Variants in CSMD1 observed in about 807,000 individuals in gnomAD.
CSMD1 encodes the protein CUB and sushi domain-containing protein 1.
CSMD1 carries 213 observed loss-of-function variants against 417.5 expected under a neutral mutation model. The observed-to-expected ratio is 0.51, with a 90% CI of 0.46 to 0.57. The LOEUF is 0.57. Ranked by LOEUF, CSMD1 falls within the 20% of genes least tolerant of loss-of-function variation. The pLI is 0.00. For synonymous variants in CSMD1, 2,862 were observed against 1,736.8 expected, an observed-to-expected ratio of 1.65 and a Z score of -16.11; for missense variants, 6,923 against 4,529.7, an observed-to-expected ratio of 1.53 and a Z score of -15.17.
At chr8:4,586,831 C>T (rs1799723955) in intron 2 of CSMD1, among the ~76,000 whole-genome samples, 1 of 152,190 alleles carries the variant, frequency 6.6e-6, no homozygotes, top group East Asian at 1.9e-4. Flanking sequence ...TCTGCACGCA[C>T]AGTAGGATCA....
intron 3 of CSMD1, among the ~76,000 whole-genome samples, chr8:4,283,345 T>C (rs1326841717): frequency 6.6e-6 from 1 of 152,224 alleles, no homozygotes; most frequent in East Asian, 1.9e-4. Flanking sequence ...CTGCCCTGTA[T>C]AAATGCGAAC....
intron 1 of CSMD1, among the ~76,000 whole-genome samples, chr8:4,638,202 T>A (rs1051041566): frequency 6.6e-6 from 1 of 152,168 alleles, no homozygotes; most frequent in Non-Finnish European, 1.5e-5. Flanking sequence ...CTACATAGTA[T>A]CATGCTTAAA....
intron 2 of CSMD1, among the ~76,000 whole-genome samples, chr8:4,490,444 T>C (rs189616040): frequency 3.3e-4 from 50 of 152,368 alleles, no homozygotes; most frequent in African/African-American, 8.9e-4. Context: ...GTTTTAACTT[T>C]TAGTTTTTTA....
At chr8:4,003,477 A>G (rs1199290027) in intron 4 of CSMD1, among the ~76,000 whole-genome samples, 6 of 152,108 alleles carry the variant, frequency 3.9e-5, no homozygotes, top group African/African-American at 1.4e-4. Context: ...GATACATGGG[A>G]AAAAAAGATT....
At chr8:4,698,785 C>T (rs897366011) in intron 1 of CSMD1, among the ~76,000 whole-genome samples, 3 of 151,396 alleles carry the variant, frequency 2.0e-5, no homozygotes, top group Non-Finnish European at 4.4e-5. Context: ...CATATAAAAA[C>T]AATTCTTGCT....
chr8:4,863,846 T>C (rs932272438), intron 1 of CSMD1, among the ~76,000 whole-genome samples: 1 of 152,082 alleles, frequency 6.6e-6, no homozygotes, highest in African/African-American at 2.4e-5. Flanking sequence ...AAATTTTTTA[T>C]ACTTTTTCTT....
At chr8:4,005,005 A>G (rs538957920) in intron 4 of CSMD1, among the ~76,000 whole-genome samples, 1 of 152,140 alleles carries the variant, frequency 6.6e-6, no homozygotes, top group Non-Finnish European at 1.5e-5. Flanking sequence ...CAGCCTCCCT[A>G]GTGACTCTTA....
intron 1 of CSMD1, among the ~76,000 whole-genome samples, chr8:4,744,610 G>A (rs182591437): frequency 2.0e-5 from 3 of 152,222 alleles, no homozygotes; most frequent in African/African-American, 4.8e-5. Flanking sequence ...GCAAAAATTA[G>A]CCATTTTCAT....
chr8:4,453,216 G>GACACACACACAC (rs71207090), intron 2 of CSMD1, among the ~76,000 whole-genome samples: 25 of 149,214 alleles, frequency 1.7e-4, no homozygotes, highest in African/African-American at 4.7e-4. Flanking sequence ...CACACACAGA[G>GACACACACACAC]ACACACACAC....
chr8:4,058,242 T>A (rs1010936763), intron 3 of CSMD1, among the ~76,000 whole-genome samples: 4 of 152,066 alleles, frequency 2.6e-5, no homozygotes, highest in African/African-American at 9.7e-5. Flanking sequence ...CTTGAAGAGG[T>A]CCTTCACATC....
chr8:3,971,718 G>A (rs1813103820), intron 5 of CSMD1, among the ~76,000 whole-genome samples: 2 of 152,262 alleles, frequency 1.3e-5, no homozygotes, highest in East Asian at 1.9e-4. Flanking sequence ...CTTCCAGTGA[G>A]TTTCTCGTAG....
At chr8:2,948,943 G>A (rs556606947) in intron 68 of CSMD1, among the ~76,000 whole-genome samples, 16 of 149,996 alleles carry the variant, frequency 1.1e-4, no homozygotes, top group African/African-American at 3.9e-4. Context: ...TTATATGTTT[G>A]TTGGCCACTT....
chr8:3,671,229 T>C (rs960606941), intron 7 of CSMD1, among the ~76,000 whole-genome samples: 4 of 145,308 alleles, frequency 2.8e-5, no homozygotes, highest in African/African-American at 1.0e-4. Context: ...TGTATGTATA[T>C]GGGATATATA....
intron 30 of CSMD1, among the ~76,000 whole-genome samples, chr8:3,206,411 CTGTGTGTGTATG>C (rs1198737891): frequency 1.1e-5 from 1 of 89,508 alleles, no homozygotes; most frequent in Non-Finnish European, 2.0e-5. Context: ...GGGGTTATGT[CTGTGTGTGTATG>C]TGTGTGTGTG....
At chr8:3,978,048 C>G (rs1232220325) in intron 5 of CSMD1, among the ~76,000 whole-genome samples, 1 of 152,160 alleles carries the variant, frequency 6.6e-6, no homozygotes, top group African/African-American at 2.4e-5. Context: ...ATAGCTTCCT[C>G]AAAAAGCACG....
chr8:4,151,624 A>C (rs1796574308), intron 3 of CSMD1, among the ~76,000 whole-genome samples: 1 of 152,154 alleles, frequency 6.6e-6, no homozygotes, highest in African/African-American at 2.4e-5. Context: ...ATGTAGTTTC[A>C]CTTTGTTATC....
chr8:3,604,007 T>C (rs780142924), intron 8 of CSMD1, among the ~76,000 whole-genome samples: 3 of 152,234 alleles, frequency 2.0e-5, no homozygotes, highest in Non-Finnish European at 2.9e-5. Flanking sequence ...CAATATTTAT[T>C]GTTGCCTTAC....
intron 3 of CSMD1, among the ~76,000 whole-genome samples, chr8:4,216,967 G>A (rs191986907): frequency 6.6e-6 from 1 of 152,166 alleles, no homozygotes; most frequent in East Asian, 1.9e-4. Flanking sequence ...GGCTGTCCTA[G>A]GATAGGTCCC....
chr8:3,611,729 G>C (rs918784673), intron 8 of CSMD1, among the ~76,000 whole-genome samples: 1 of 151,932 alleles, frequency 6.6e-6, no homozygotes, highest in African/African-American at 2.4e-5. Context: ...ATGTATTTTT[G>C]TAAATAATGT....
Sources: allele counts gnomAD v4.1 joint callset (sites outside exome capture counted in the v4.1 genomes callset), GRCh38; gene constraint gnomAD v4.1.1; transcripts MANE v1.5; gene names NCBI Gene and HGNC (gene_info 2026-07-23, HGNC 2026-07-21).